The following ARHGAP15 variants were observed in gnomAD, a reference collection of about 807,000 sequenced individuals.
The protein encoded by ARHGAP15 is Rho GTPase activating protein 15.
In ARHGAP15, 51 loss-of-function variants were observed where a neutral mutation model predicts 63.7. That is an observed-to-expected ratio of 0.80 (90% CI 0.64 to 1.01). The LOEUF (loss-of-function observed/expected upper bound fraction) is 1.01. Ranked by LOEUF, ARHGAP15 falls within the 50% of genes least tolerant of loss-of-function variation. ARHGAP15 has a pLI of 0.00. For synonymous variants in ARHGAP15, 191 were observed against 193.8 expected, an observed-to-expected ratio of 0.99 and a Z score of 0.12; for missense variants, 560 against 564.6, an observed-to-expected ratio of 0.99 and a Z score of 0.08.
chr2:143,363,037 A>G (rs545086899), intron 6 of ARHGAP15, among the ~76,000 whole-genome samples: 7 of 152,288 alleles, frequency 4.6e-5, no homozygotes, highest in African/African-American at 1.7e-4. Context: ...AAAACTTTAT[A>G]ATAATTTTCA....
chr2:143,317,250 T>C (rs986326633), intron 6 of ARHGAP15, among the ~76,000 whole-genome samples: 16 of 152,200 alleles, frequency 1.1e-4, no homozygotes, highest in Admixed American at 6.5e-5. Context: ...AATAAATAAT[T>C]TATGAGTGAA....
At chr2:143,744,670 C>G (rs1686093908) in intron 13 of ARHGAP15, among the ~76,000 whole-genome samples, 1 of 152,202 alleles carries the variant, frequency 6.6e-6, no homozygotes, top group Admixed American at 6.5e-5. Context: ...TCTCCCCTCT[C>G]TTTATAATCA....
intron 12 of ARHGAP15, among the ~76,000 whole-genome samples, chr2:143,687,851 T>C (rs1301405590): frequency 6.6e-6 from 1 of 152,246 alleles, no homozygotes; most frequent in Non-Finnish European, 1.5e-5. Context: ...TATTTAAGCA[T>C]AACTTATCAG....
intron 5 of ARHGAP15, chr2:143,235,871 T>G (rs1488720509): frequency 6.8e-7 from 1 of 1,473,226 alleles, no homozygotes. Context: ...TTAGTATCAG[T>G]GAAGTATTTC....
chr2:143,378,938 G>A (rs1417265073), intron 6 of ARHGAP15, among the ~76,000 whole-genome samples: 1 of 151,956 alleles, frequency 6.6e-6, no homozygotes, highest in African/African-American at 2.4e-5. Context: ...GATGTTACAT[G>A]TGATAAACCT....
chr2:143,461,528 T>A (rs929322239), intron 8 of ARHGAP15, among the ~76,000 whole-genome samples: 1 of 152,122 alleles, frequency 6.6e-6, no homozygotes, highest in African/African-American at 2.4e-5. Context: ...CACTAGAGGA[T>A]TTTAGCTTCA....
chr2:143,376,060 T>C (rs1686796066), intron 6 of ARHGAP15, among the ~76,000 whole-genome samples: 1 of 152,210 alleles, frequency 6.6e-6, no homozygotes, highest in Non-Finnish European at 1.5e-5. Context: ...GCGTTTCCCA[T>C]TGGTTGCAAT....
chr2:143,568,502 AG>A (rs761605798), intron 11 of ARHGAP15, among the ~76,000 whole-genome samples: 136 of 152,368 alleles, frequency 8.9e-4, no homozygotes, highest in Non-Finnish European at 1.6e-3. Flanking sequence ...ATCATTAAAA[AG>A]TCAGGAAACA....
intron 6 of ARHGAP15, among the ~76,000 whole-genome samples, chr2:143,263,410 G>A (rs1025098540): frequency 7.2e-5 from 11 of 152,286 alleles, no homozygotes; most frequent in African/African-American, 4.8e-5. Flanking sequence ...TCAAACACCT[G>A]GTTTGTCCTG....
intron 6 of ARHGAP15, among the ~76,000 whole-genome samples, chr2:143,330,011 G>C (rs1169161607): frequency 7.1e-6 from 1 of 139,926 alleles, no homozygotes; most frequent in Non-Finnish European, 1.5e-5. Context: ...AGAATCGCTT[G>C]AGCCCAGGAG....
At chr2:143,673,756 GTGTATATA>G (rs1682669658) in intron 12 of ARHGAP15, among the ~76,000 whole-genome samples, 2 of 30,988 alleles carry the variant, frequency 6.5e-5, no homozygotes, top group African/African-American at 1.4e-4. Flanking sequence ...GTGTGTGTGT[GTGTATATA>G]TATATATATA....
intron 12 of ARHGAP15, among the ~76,000 whole-genome samples, chr2:143,679,654 CGTGTGTGTGTGTGTGT>C (rs60643761): frequency 3.3e-5 from 5 of 149,950 alleles, no homozygotes; most frequent in Admixed American, 1.3e-4. Context: ...TGCGTGTGTG[CGTGTGTGTGTGTGTGT>C]GTGTGTGTGT....
At chr2:143,397,225 T>C (rs887351598) in intron 6 of ARHGAP15, among the ~76,000 whole-genome samples, 1 of 147,290 alleles carries the variant, frequency 6.8e-6, no homozygotes, top group Non-Finnish European at 1.5e-5. Flanking sequence ...CTCAATGAAG[T>C]AGTTGTGAAG....
At position 143,346,242 on chromosome 2, in the gene ARHGAP15, A is replaced by ACACT. The variant is rs1326287158; in HGVS notation, c.475-89356_475-89355insTCAC. ...CTCTCACACACACTCTCTCTCACAC[A>ACACT]CACACACTCACACACACACACACAC... is the stretch of plus-strand genomic sequence containing the variant. On this transcript the variant is annotated intron_variant, in intron 6 of 13. Transcript: ENST00000295095. Among the ~76,000 whole-genome samples, 259 of 142,012 alleles carry ACACT rather than the reference A, an allele frequency of 1.8e-3. 2 individuals are homozygous for ACACT. The highest frequency in any genetic ancestry group is 4.6e-3 in the Admixed American group (63 of 13,652). 93.2% of individuals were successfully genotyped at this position (142,012 alleles called of 152,430 possible). A position where few individuals can be genotyped will look rare whatever the true frequency, so the allele number is the denominator to read the frequency against.
At chr2:143,535,996 G>A (rs1367319381) in intron 10 of ARHGAP15, among the ~76,000 whole-genome samples, 1 of 151,930 alleles carries the variant, frequency 6.6e-6, no homozygotes, top group African/African-American at 2.4e-5. Flanking sequence ...TAGATATTGT[G>A]TAATAGTTAA....
At chr2:143,134,304 A>G (rs1372409692) in intron 1 of ARHGAP15, among the ~76,000 whole-genome samples, 1 of 152,166 alleles carries the variant, frequency 6.6e-6, no homozygotes, top group Non-Finnish European at 1.5e-5. Context: ...AACTTTTTGA[A>G]CTTCCACCAG....
chr2:143,668,759 A>C (rs1485136641), intron 12 of ARHGAP15, among the ~76,000 whole-genome samples: 1 of 152,222 alleles, frequency 6.6e-6, no homozygotes, highest in Non-Finnish European at 1.5e-5. Context: ...GAGTAATTTC[A>C]GCTTTCCATC....
chr2:143,746,426 A>G (rs569811688), intron 13 of ARHGAP15, among the ~76,000 whole-genome samples: 3 of 152,260 alleles, frequency 2.0e-5, no homozygotes, highest in Non-Finnish European at 4.4e-5. Context: ...AATGACACAG[A>G]AAAAGCCTCA....
chr2:143,673,758 G>GTGCATATATATATA (rs1553520615), intron 12 of ARHGAP15, among the ~76,000 whole-genome samples: 1 of 22,116 alleles, frequency 4.5e-5, no homozygotes, highest in African/African-American at 8.1e-5. Flanking sequence ...GTGTGTGTGT[G>GTGCATATATATATA]TATATATATA....
Sources: gnomAD v4.1 joint callset for allele counts (sites outside exome capture counted in the v4.1 genomes callset) on GRCh38, gnomAD v4.1.1 for gene constraint, MANE v1.5 for transcripts, NCBI Gene and HGNC (gene_info 2026-07-23, HGNC 2026-07-21) for gene names.